The following WDR64 variants were observed in gnomAD, a reference collection of about 807,000 sequenced individuals.
The protein encoded by WDR64 is WD repeat domain 64, also known as WD repeat-containing protein 64.
A neutral mutation model predicts 139.3 loss-of-function variants in WDR64; 112 were observed. The observed-to-expected ratio is 0.80, with a 90% CI of 0.69 to 0.94. WDR64 has a LOEUF of 0.94. Among genes scored for constraint, WDR64 ranks in the 40% least tolerant of loss-of-function variants. WDR64 has a pLI of 0.00. For missense variants in WDR64, 1,206 were observed against 1,293.1 expected, an observed-to-expected ratio of 0.93 and a Z score of 1.03; for synonymous variants, 444 against 437.7, an observed-to-expected ratio of 1.01 and a Z score of -0.18.
chr1:241,776,870 T>C (rs1658674035), intron 21 of WDR64, among the ~76,000 whole-genome samples: 1 of 152,226 alleles, frequency 6.6e-6, no homozygotes, highest in Admixed American at 6.5e-5. Flanking sequence ...TAGCCCATTC[T>C]CATCCTGAAA....
intron 6 of WDR64, among the ~76,000 whole-genome samples, chr1:241,681,558 A>G (rs941906640): frequency 6.6e-6 from 1 of 152,170 alleles, no homozygotes; most frequent in Non-Finnish European, 1.5e-5. Context: ...CATTTTTGCA[A>G]TTGCGAATTG....
intron 8 of WDR64, among the ~76,000 whole-genome samples, chr1:241,710,316 T>G (rs1208708991): frequency 6.6e-6 from 1 of 152,144 alleles, no homozygotes; most frequent in Non-Finnish European, 1.5e-5. Flanking sequence ...ATTATTATTG[T>G]CCATTGTCTC....
chr1:241,659,069 C>A (rs527907327), intron 1 of WDR64, among the ~76,000 whole-genome samples: 1 of 152,252 alleles, frequency 6.6e-6, no homozygotes, highest in East Asian at 1.9e-4. Context: ...CCCCCACAAC[C>A]CTATGACAGG....
intron 8 of WDR64, among the ~76,000 whole-genome samples, chr1:241,705,559 A>AAT (rs1553368511): frequency 6.6e-5 from 9 of 136,658 alleles, no homozygotes; most frequent in Admixed American, 3.0e-4. Flanking sequence ...ATAAATAAAT[A>AAT]AATAATAATA....
At chr1:241,739,259 G>A (rs893957878) in intron 11 of WDR64, among the ~76,000 whole-genome samples, 3 of 152,100 alleles carry the variant, frequency 2.0e-5, no homozygotes, top group Non-Finnish European at 4.4e-5. Context: ...ATACCTTTAG[G>A]CTTCAGGATA....
chr1:241,758,393 C>T (rs1670293788), intron 15 of WDR64, among the ~76,000 whole-genome samples: 1 of 151,918 alleles, frequency 6.6e-6, no homozygotes, highest in African/African-American at 2.4e-5. Flanking sequence ...ACCATACTGC[C>T]TTTCTGCTTC....
intron 3 of WDR64, among the ~76,000 whole-genome samples, chr1:241,673,688 G>A (rs1187439866): frequency 1.3e-5 from 2 of 152,100 alleles, no homozygotes; most frequent in African/African-American, 2.4e-5. Flanking sequence ...GTAATACTAG[G>A]GTATGACACC....
intron 2 of WDR64, among the ~76,000 whole-genome samples, chr1:241,668,799 C>T (rs1666115665): frequency 6.6e-6 from 1 of 151,894 alleles, no homozygotes; most frequent in Admixed American, 6.6e-5. Context: ...GTTCCAGCTA[C>T]TCGGGCAGGA....
chr1:241,673,978 T>C (rs1005262341), intron 3 of WDR64, among the ~76,000 whole-genome samples: 1 of 152,068 alleles, frequency 6.6e-6, no homozygotes, highest in Admixed American at 6.5e-5. Flanking sequence ...ATGTGAAATA[T>C]CTCAAAAAAG....
intron 13 of WDR64, among the ~76,000 whole-genome samples, chr1:241,748,972 A>G (rs1320356448): frequency 6.7e-6 from 1 of 150,128 alleles, no homozygotes; most frequent in African/African-American, 2.4e-5. Flanking sequence ...AAAGAAAAAG[A>G]AAAGAAAAGA....
chr1:241,783,352 A>G lies in WDR64; in HGVS notation c.2676A>G (p.Val892=). The part of the protein sequence containing the change: ...QVIYVEEKQV[V]LTASIDGSVR... ...TCTATGTAGAAGAAAAACAAGTGGTACTTACTGCCTCCATCGATGGCTCAG... is the reference window on the plus strand; with the variant it reads ...TCTATGTAGAAGAAAAACAAGTGGTGCTTACTGCCTCCATCGATGGCTCAG... Residue 892 remains valine, a synonymous_variant, in exon 23 of 28, where the codon GTA becomes GTG. Coordinates refer to ENST00000437684, the MANE Select transcript of WDR64 (RefSeq NM_001367482.1). 5 of 1,614,064 alleles carry G rather than the reference A, an allele frequency of 3.1e-6. No homozygotes were observed. The highest frequency in any genetic ancestry group is 4.2e-6 in the Non-Finnish European group (5 of 1,179,974).
chr1:241,763,542 T>C (rs1658016972), intron 15 of WDR64, among the ~76,000 whole-genome samples: 1 of 152,054 alleles, frequency 6.6e-6, no homozygotes. Context: ...TCATCCTTAA[T>C]AAAAATACAA....
intron 15 of WDR64, among the ~76,000 whole-genome samples, chr1:241,758,421 G>C (rs1670294798): frequency 6.6e-6 from 1 of 151,834 alleles, no homozygotes; most frequent in Non-Finnish European, 1.5e-5. Flanking sequence ...ACTGGAACGT[G>C]TGTAAAGAAA....
At position 241,757,264 on chromosome 1, in the gene WDR64, C is replaced by T. The variant is rs755178141; in HGVS notation, c.1771-19C>T. The T allele has an allele frequency of 6.2e-6, 10 of 1,602,746 alleles. No individual in the cohort carries two copies. In the South Asian group the frequency reaches 1.1e-4, roughly 18 times the overall value. On this transcript the variant is annotated intron_variant, in intron 14 of 27. Transcript: ENST00000437684. ...AAAATAATTGAACTTTTCATGCACTCACTGGATTTCTGTTAAAGGGTAAGG... is the reference window on the plus strand; with the variant it reads ...AAAATAATTGAACTTTTCATGCACTTACTGGATTTCTGTTAAAGGGTAAGG...
At chr1:241,773,942 A>G (rs574544307) in intron 20 of WDR64, among the ~76,000 whole-genome samples, 2 of 152,368 alleles carry the variant, frequency 1.3e-5, no homozygotes, top group South Asian at 2.1e-4. Context: ...TATACAATAA[A>G]TTGTTAGTTT....
intron 8 of WDR64, among the ~76,000 whole-genome samples, chr1:241,691,830 A>AGGAGTTCAAGACAGCC (rs1667309619): frequency 6.6e-6 from 1 of 152,144 alleles, no homozygotes; most frequent in East Asian, 1.9e-4. Context: ...CCTGGCCAAC[A>AGGAGTTCAAGACAGCC]TGGTGAAACC....
rs549765845 is a variant in WDR64, at chr1:241,705,317, G to A, written c.975-6485G>A. 1.4e-4 allele frequency among the ~76,000 whole-genome samples: 22 copies of A among 152,114 alleles called. No individual in the cohort carries two copies. The East Asian group carries it at 2.7e-3, about 19-fold the overall frequency. ...AGCACTTTGGGAGGCCAAGGAGGGC[G>A]GATCATGAGGTCAGGAGATCGAGAC... On this transcript the variant is annotated intron_variant, in intron 8 of 27. Coordinates refer to ENST00000437684, the MANE Select transcript of WDR64 (RefSeq NM_001367482.1).
In WDR64 at chr1:241,653,993, GT is replaced by G. The variant is rs895028612; in HGVS notation, c.145+1369del. Among the ~76,000 whole-genome samples the G allele has an allele frequency of 7.2e-5, 11 of 152,184 alleles. No homozygotes were observed. In the East Asian group the frequency reaches 1.4e-3, roughly 19 times the overall value. On this transcript the variant is annotated intron_variant, in intron 1 of 27. Coordinates refer to ENST00000437684, the MANE Select transcript of WDR64 (RefSeq NM_001367482.1). ...AGTTTGTTTTACCTCTCTCTAATTGGTTTTTCAAACCCTTGACACTTTTTCT... is the reference window on the plus strand; with the variant it reads ...AGTTTGTTTTACCTCTCTCTAATTGGTTTTCAAACCCTTGACACTTTTTCT...
chr1:241,693,397 A>G (rs942088873), intron 8 of WDR64, among the ~76,000 whole-genome samples: 3 of 152,184 alleles, frequency 2.0e-5, no homozygotes, highest in Admixed American at 6.6e-5. Flanking sequence ...AGTGGTTTCC[A>G]GGGCTTTGAG....
Sources: gnomAD v4.1 joint callset for allele counts (sites outside exome capture counted in the v4.1 genomes callset) on GRCh38, gnomAD v4.1.1 for gene constraint, MANE v1.5 for transcripts, NCBI Gene and HGNC (gene_info 2026-07-23, HGNC 2026-07-21) for gene names.